The following PDZD2 variants were observed in gnomAD, a reference collection of about 807,000 sequenced individuals.
PDZD2 encodes the protein PDZ domain-containing protein 2.
PDZD2 carries 90 observed loss-of-function variants against 220.7 expected under a neutral mutation model. The observed-to-expected ratio is 0.41, with a 90% confidence interval of 0.34 to 0.49. PDZD2 has a LOEUF of 0.49. Among genes scored for constraint, PDZD2 ranks in the 20% least tolerant of loss-of-function variants. The pLI is 0.28. For missense variants in PDZD2, 3,174 were observed against 3,608.5 expected, an observed-to-expected ratio of 0.88 and a Z score of 3.08; for synonymous variants, 1,375 against 1,450.5, an observed-to-expected ratio of 0.95 and a Z score of 1.18.
intron 7 of PDZD2, 23 bp downstream of exon 7, chr5:32,037,365 G>T: frequency 7.7e-7 from 1 of 1,300,864 alleles, no homozygotes; most frequent in Non-Finnish European, 1.1e-6. Context: ...TCTACCTGAT[G>T]CAGCCTGTCT....
At chr5:31,727,860 C>T (rs988135430) in intron 1 of PDZD2, among the ~76,000 whole-genome samples, 2 of 148,526 alleles carry the variant, frequency 1.3e-5, no homozygotes, top group African/African-American at 2.5e-5. Context: ...AAAATTTTGC[C>T]GGGTGTGGTG....
At position 31,721,495 on chromosome 5, in the gene PDZD2, C is replaced by G. The variant is rs935992203; in HGVS notation, c.-360-77394C>G. Among the ~76,000 whole-genome samples, 4 of 145,742 alleles carry G rather than the reference C, an allele frequency of 2.7e-5. No individual in the cohort carries two copies. In the South Asian group the frequency reaches 8.6e-4, roughly 31 times the overall value. ...AGAGGGGCTTTTTAGAAATGCAAAG[C>G]CTGACACCAAATAACTGCCTCTTTT... is the stretch of plus-strand genomic sequence containing the variant. On this transcript the variant is annotated intron_variant, in intron 1 of 24. Transcript: ENST00000438447.
chr5:31,669,564 A>G (rs551144518), intron 1 of PDZD2, among the ~76,000 whole-genome samples: 2 of 152,296 alleles, frequency 1.3e-5, no homozygotes, highest in African/African-American at 4.8e-5. Flanking sequence ...TGAAGCCTGC[A>G]AGGGGCCTTA....
intron 5 of PDZD2, among the ~76,000 whole-genome samples, chr5:32,009,740 A>G (rs1332283846): frequency 6.6e-6 from 1 of 151,996 alleles, no homozygotes; most frequent in Non-Finnish European, 1.5e-5. Context: ...ATTAAAAAAA[A>G]AAATGATTGT....
Position 32,074,467 on chromosome 5 carries a change from G to C in PDZD2, c.3361G>C (p.Val1121Leu). 1 of 1,614,246 alleles carries C rather than the reference G, an allele frequency of 6.2e-7. No homozygotes were observed. Among genetic ancestry groups the C allele is most frequent in the East Asian group, 2.2e-5 (1 of 44,880 alleles). Reference protein sequence around the residue: ...SEGLGSRHRPVARVSPHCKRS... With the variant: ...SEGLGSRHRPLARVSPHCKRS... ...AGGCCTGGGCTCCAGGCACAGACCAGTGGCCAGGGTAAGCCCCCACTGCAA... is the reference window on the plus strand; with the variant it reads ...AGGCCTGGGCTCCAGGCACAGACCACTGGCCAGGGTAAGCCCCCACTGCAA... Residue 1121 changes from valine to leucine, a missense_variant, in exon 18 of 25, where the codon GTG (valine) becomes CTG (leucine). Transcript: ENST00000438447.
At chr5:31,688,801 G>C (rs1293464941) in intron 1 of PDZD2, among the ~76,000 whole-genome samples, 1 of 152,154 alleles carries the variant, frequency 6.6e-6, no homozygotes, top group Non-Finnish European at 1.5e-5. Context: ...CTCTGCTTGA[G>C]AGCATTGGGT....
chr5:31,731,668 A>G (rs1037630888), intron 1 of PDZD2, among the ~76,000 whole-genome samples: 1 of 152,150 alleles, frequency 6.6e-6, no homozygotes, highest in Non-Finnish European at 1.5e-5. Flanking sequence ...TGTAGCACGT[A>G]TCCCAACCTT....
Position 32,053,807 on chromosome 5 carries a change from T to G in PDZD2, c.1824T>G (p.Ile608Met), listed in dbSNP as rs776321224. The G allele has an allele frequency of 1.2e-6, 2 of 1,613,412 alleles. No individual in the cohort carries two copies. The highest frequency in any genetic ancestry group is 1.7e-6 in the Non-Finnish European group (2 of 1,179,438). ...GFSIAGGRDC[I>M]RGQMGIFVKT... ...GTATTGCTGGAGGTCGAGACTGCAT[T>G]CGTGGACAGATGGGGATTTTTGTCA... The change falls in exon 10 of 25, where the codon ATT becomes ATG. Residue 608 changes from isoleucine to methionine, a missense_variant. By Grantham distance (10) the Ile-to-Met change is conservative. Transcript: ENST00000438447.
rs74824673 is a variant in PDZD2, at chr5:31,874,107, G to C, written c.476+74383G>C. Among the ~76,000 whole-genome samples, 979 of 152,290 alleles carry C rather than the reference G, an allele frequency of 6.4e-3. 8 individuals carry two copies. The highest frequency in any genetic ancestry group is 0.023 in the African/African-American group (955 of 41,570). ...GGTTTCTACATGGTAGTCTTGAGGG[G>C]ACAATTCCATCTGCTTCAAGAAACC... On this transcript the variant is annotated intron_variant, in intron 2 of 24. Coordinates refer to ENST00000438447, the MANE Select transcript of PDZD2 (RefSeq NM_178140.4).
At chr5:31,889,932 G>A (rs139280685) in intron 2 of PDZD2, among the ~76,000 whole-genome samples, 1 of 152,096 alleles carries the variant, frequency 6.6e-6, no homozygotes, top group Non-Finnish European at 1.5e-5. Context: ...TGAGGCAGGA[G>A]AATTGCTTGA....
At chr5:31,912,438 C>G (rs1743292208) in intron 2 of PDZD2, among the ~76,000 whole-genome samples, 1 of 152,132 alleles carries the variant, frequency 6.6e-6, no homozygotes, top group African/African-American at 2.4e-5. Context: ...ATGCTAAAAT[C>G]CTAACCCCCA....
In PDZD2 at chr5:31,794,949, T is replaced by C. The variant is rs1420297580; in HGVS notation, c.-360-3940T>C. On this transcript the variant is annotated intron_variant, in intron 1 of 24. Transcript: ENST00000438447. ...ATGACAGCCCGGTGTGAATCTGATT[T>C]TAAGGCAAGGTCTAGATAAACCAGA... 2.0e-5 allele frequency among the ~76,000 whole-genome samples: 3 copies of C among 152,236 alleles called. No homozygotes were observed. In the East Asian group the frequency reaches 5.8e-4, roughly 29 times the overall value.
intron 7 of PDZD2, among the ~76,000 whole-genome samples, chr5:32,041,810 T>A (rs1159614551): frequency 7.0e-6 from 1 of 143,288 alleles, no homozygotes; most frequent in Non-Finnish European, 1.5e-5. Context: ...CACATCCCCC[T>A]CTCCGAGAAA....
chr5:32,000,158 G>C lies in PDZD2; in HGVS notation c.1141G>C (p.Gly381Arg). ...AAHRDGRLSLGDELLVINGHL... is the reference protein window; with the variant it reads ...AAHRDGRLSLRDELLVINGHL... ...CCTCAGGGATGGCAGGCTGTCCTTA[G>C]GAGATGAGCTGCTGGTAATCAATGG... is the stretch of plus-strand genomic sequence containing the variant. Residue 381 changes from glycine (G) to arginine (R), a missense_variant, in exon 5 of 25, where the codon GGA becomes CGA. Around this residue, in one of 4 missense-constraint regions of PDZD2, gnomAD observed 632 missense variants for 708.1 expected, o/e 0.89. Transcript: ENST00000438447. The surrounding 1 kb of genome is among the most constrained non-coding windows in gnomAD (Gnocchi z 4.5). 1 of 1,614,094 alleles carries C rather than the reference G, an allele frequency of 6.2e-7. No homozygotes were observed. The highest frequency in any genetic ancestry group is 8.5e-7 in the Non-Finnish European group (1 of 1,179,956).
At chr5:32,076,233 C>G (rs769963692) in intron 18 of PDZD2, among the ~76,000 whole-genome samples, 4 of 143,062 alleles carry the variant, frequency 2.8e-5, no homozygotes, top group Non-Finnish European at 1.5e-5. Context: ...TTGCAGTGAG[C>G]TGAGATCGTG....
At chr5:31,665,643 C>CG (rs1745955599) in intron 1 of PDZD2, among the ~76,000 whole-genome samples, 2 of 59,656 alleles carry the variant, frequency 3.4e-5, no homozygotes, top group East Asian at 5.5e-4. Flanking sequence ...GAAGTTCCCC[C>CG]TCCCCCCCCT....
chr5:31,997,666 A>G (rs530209484), intron 4 of PDZD2, among the ~76,000 whole-genome samples: 3 of 152,040 alleles, frequency 2.0e-5, no homozygotes, highest in African/African-American at 4.8e-5. Flanking sequence ...GTTCTTGTCT[A>G]TTTTCCATCT....
intron 1 of PDZD2, among the ~76,000 whole-genome samples, chr5:31,795,284 T>G (rs547300116): frequency 1.6e-4 from 25 of 152,344 alleles, no homozygotes; most frequent in African/African-American, 6.0e-4. Context: ...TAAAGTCACC[T>G]ACTGAGAATG....
intron 1 of PDZD2, among the ~76,000 whole-genome samples, chr5:31,713,817 G>C (rs1748272242): frequency 6.6e-6 from 1 of 152,162 alleles, no homozygotes; most frequent in African/African-American, 2.4e-5. Flanking sequence ...AAAGCGCTGG[G>C]ATTACAGGTG....
Sources: allele counts gnomAD v4.1 joint callset (sites outside exome capture counted in the v4.1 genomes callset), GRCh38; gene constraint gnomAD v4.1.1; regional missense constraint gnomAD v4.1.1; non-coding constraint Gnocchi (gnomAD v3.1); transcripts MANE v1.5; gene names NCBI Gene and HGNC (gene_info 2026-07-23, HGNC 2026-07-21).